The following NAALAD2 variants were observed in gnomAD, a reference collection of about 807,000 sequenced individuals.
The protein encoded by NAALAD2 is N-acetylated alpha-linked acidic dipeptidase 2, also known as N-acetylated-alpha-linked acidic dipeptidase 2.
NAALAD2 carries 89 observed loss-of-function variants against 95.6 expected under a neutral mutation model. The ratio of observed to expected loss-of-function variants is 0.93; its 90% CI spans 0.78 to 1.11. The LOEUF (loss-of-function observed/expected upper bound fraction) is 1.11. NAALAD2 is among the 50% of genes least tolerant of loss of function. The pLI is 0.00. For synonymous variants in NAALAD2, 264 were observed against 294.4 expected, an observed-to-expected ratio of 0.90 and a Z score of 1.06; for missense variants, 894 against 872.4, an observed-to-expected ratio of 1.02 and a Z score of -0.31.
chr11:90,142,824 T>C (rs1479006687), intron 2 of NAALAD2, among the ~76,000 whole-genome samples: 1 of 152,116 alleles, frequency 6.6e-6, no homozygotes, highest in African/African-American at 2.4e-5. Flanking sequence ...GGAAAATATA[T>C]GAAATTTTAT....
At chr11:90,187,915 T>C (rs970329176) in intron 18 of NAALAD2, among the ~76,000 whole-genome samples, 1 of 152,158 alleles carries the variant, frequency 6.6e-6, no homozygotes, top group Non-Finnish European at 1.5e-5. Flanking sequence ...ACAAAAACAT[T>C]AGCCAAATTA....
At chr11:90,132,339 G>T (rs1314024188), upstream of NAALAD2, 1 of 152,246 alleles carries the variant, frequency 6.6e-6, no homozygotes, top group Non-Finnish European at 1.5e-5. Context: ...AACACAAAAT[G>T]AGCAAGAAAA....
intron 3 of NAALAD2, among the ~76,000 whole-genome samples, chr11:90,147,824 A>G (rs761492434): frequency 2.0e-5 from 3 of 152,224 alleles, no homozygotes; most frequent in East Asian, 1.9e-4. Context: ...GAGTTAGACA[A>G]TGTTTCCTGA....
chr11:90,173,240 T>C (rs943510810), intron 13 of NAALAD2, among the ~76,000 whole-genome samples: 2 of 152,130 alleles, frequency 1.3e-5, no homozygotes, highest in African/African-American at 4.8e-5. Flanking sequence ...TCTGAGGTTA[T>C]GTAGAGTTTT....
intron 6 of NAALAD2, among the ~76,000 whole-genome samples, chr11:90,156,291 G>T (rs1357757776): frequency 2.6e-5 from 4 of 151,904 alleles, no homozygotes; most frequent in Admixed American, 2.6e-4. Context: ...CAAACTCCTT[G>T]ACTCAAGCAA....
At chr11:90,158,827 T>G (rs1184662346) in intron 7 of NAALAD2, 1 of 203,674 alleles carries the variant, frequency 4.9e-6, no homozygotes, top group African/African-American at 2.4e-5. Context: ...GTATTACAAC[T>G]TAATAATTGT....
chr11:90,138,315 T>C (rs115016564), intron 2 of NAALAD2, among the ~76,000 whole-genome samples: 6,409 of 152,144 alleles, frequency 0.042, 452 homozygotes, highest in African/African-American at 0.15. Flanking sequence ...TCTTGCTGTC[T>C]CAAGGATGGC....
chr11:90,171,597 G>A (rs1047992280), intron 13 of NAALAD2, among the ~76,000 whole-genome samples: 2 of 152,176 alleles, frequency 1.3e-5, no homozygotes, highest in Non-Finnish European at 2.9e-5. Context: ...GTTGACATCT[G>A]TGCCTCTTTG....
At chr11:90,144,512 G>A (rs1263647075) in intron 2 of NAALAD2, among the ~76,000 whole-genome samples, 1 of 151,852 alleles carries the variant, frequency 6.6e-6, no homozygotes, top group African/African-American at 2.4e-5. Context: ...AGGCCAAGGA[G>A]AGTGGATCAC....
intron 16 of NAALAD2, among the ~76,000 whole-genome samples, chr11:90,181,216 A>G (rs1342192445): frequency 1.3e-5 from 2 of 152,010 alleles, no homozygotes; most frequent in Non-Finnish European, 1.5e-5. Context: ...TAAATGCACT[A>G]TTTGAAAACA....
Position 90,159,341 on chromosome 11 carries a change from A to G in NAALAD2, c.989+4A>G. ...TTACAGGGAGTGATTCTTTCAGGTA[A>G]TTTTGCATTACTTTAATAGTCTGAA... is the stretch of plus-strand genomic sequence containing the variant. On this transcript the variant is annotated splice_donor_region_variant and intron_variant, in intron 8 of 18. Coordinates refer to ENST00000534061, the MANE Select transcript of NAALAD2 (RefSeq NM_005467.4). 1 of 1,603,382 alleles carries G rather than the reference A, an allele frequency of 6.2e-7. No homozygotes were observed. Among genetic ancestry groups the G allele is most frequent in the Non-Finnish European group, 8.5e-7 (1 of 1,170,764 alleles).
At chr11:90,152,163 A>C (rs1951904435) in intron 5 of NAALAD2, 135 bp from the exon 6 acceptor site, 1 of 743,126 alleles carries the variant, frequency 1.3e-6, no homozygotes, top group African/African-American at 1.8e-5. Context: ...TTCAAAGCCA[A>C]GAGAACTGAA....
chr11:90,176,880 A>T (rs1952806111), intron 15 of NAALAD2, among the ~76,000 whole-genome samples: 1 of 152,226 alleles, frequency 6.6e-6, no homozygotes, highest in African/African-American at 2.4e-5. Context: ...AGATAAACTC[A>T]GAATGCTTAC....
intron 2 of NAALAD2, among the ~76,000 whole-genome samples, chr11:90,143,471 G>A (rs77294455): frequency 0.022 from 3,341 of 152,134 alleles, 111 homozygotes; most frequent in African/African-American, 0.074. Context: ...ATCATGTAAC[G>A]TCTTATTTTT....
chr11:90,187,221 G>A (rs1275563302), intron 18 of NAALAD2, among the ~76,000 whole-genome samples: 2 of 151,752 alleles, frequency 1.3e-5, no homozygotes, highest in Non-Finnish European at 2.9e-5. Flanking sequence ...TACACTGTTG[G>A]TGGGACTGTA....
rs886387157 is a variant in NAALAD2 at position 90,178,104 on chromosome 11, T to C, written c.1845T>C (p.His615=). 1.9e-6 allele frequency: 3 copies of C among 1,609,186 alleles called. No individual in the cohort carries two copies. In the African/African-American group the frequency reaches 4.0e-5, roughly 22 times the overall value. ...SKKHDQQLTD[H]GVSFDSLFSA... ...AACATGATCAACAATTGACAGACCA[T>C]GGAGTATCATTTGGTAAGAAATAGT... The change falls in exon 16 of 19, where the codon CAT becomes CAC. Residue 615 remains histidine (H), a synonymous_variant. Transcript: ENST00000534061.
chr11:90,146,200 G>T (rs1951745602), intron 2 of NAALAD2, among the ~76,000 whole-genome samples: 1 of 151,154 alleles, frequency 6.6e-6, no homozygotes, highest in Non-Finnish European at 1.5e-5. Flanking sequence ...AGTGAATGTA[G>T]AGTGCTTGTC....
chr11:90,174,865 T>C (rs1160688604), intron 14 of NAALAD2, among the ~76,000 whole-genome samples: 1 of 152,138 alleles, frequency 6.6e-6, no homozygotes, highest in African/African-American at 2.4e-5. Context: ...TCCAAAACTT[T>C]TTGAGCACCA....
intron 2 of NAALAD2, among the ~76,000 whole-genome samples, chr11:90,144,675 G>A (rs998960750): frequency 2.7e-5 from 4 of 147,710 alleles, no homozygotes; most frequent in African/African-American, 1.0e-4. Context: ...CTGGGAGGCG[G>A]AGGTTGCAGT....
Sources: gnomAD v4.1 joint callset for allele counts (sites outside exome capture counted in the v4.1 genomes callset) on GRCh38, gnomAD v4.1.1 for gene constraint, MANE v1.5 for transcripts, NCBI Gene and HGNC (gene_info 2026-07-23, HGNC 2026-07-21) for gene names.